CREB5: variants seen among roughly 807,000 people sequenced by gnomAD.
CREB5 encodes cyclic AMP-responsive element-binding protein 5.
A neutral mutation model predicts 57.1 loss-of-function variants in CREB5; 19 were observed. That is an observed-to-expected ratio of 0.33 (90% confidence interval 0.23 to 0.49). The LOEUF (loss-of-function observed/expected upper bound fraction) is 0.49, where lower values mean the gene tolerates loss of function less well. Ranked by LOEUF, CREB5 falls within the 20% of genes least tolerant of loss-of-function variation. The probability of loss-of-function intolerance (pLI) is 0.99; values close to 1 mark genes in which losing one functional copy is unlikely to be tolerated. For synonymous variants in CREB5, 238 were observed against 238.3 expected (o/e 1.00, Z 0.01); for missense variants, 579 against 671.6 (o/e 0.86, Z 1.52).
chr7:28,529,682 G>A (rs187685483), intron 4 of CREB5, among the ~76,000 whole-genome samples: 214 of 152,286 alleles, frequency 1.4e-3, no homozygotes, highest in Non-Finnish European at 1.7e-3. Flanking sequence ...GAGAGGGAGA[G>A]CAAGTCAGAA....
intron 9 of CREB5, among the ~76,000 whole-genome samples, chr7:28,809,821 A>T (rs1299022351): frequency 1.3e-5 from 2 of 152,216 alleles, no homozygotes; most frequent in Non-Finnish European, 2.9e-5. Flanking sequence ...AATGTCTCCA[A>T]AGCAGTTGCC....
intron 7 of CREB5, among the ~76,000 whole-genome samples, chr7:28,747,248 TAC>T (rs569493241): frequency 1.3e-5 from 2 of 152,334 alleles, no homozygotes; most frequent in South Asian, 2.1e-4. Flanking sequence ...TGTGTGCAAA[TAC>T]ACACACAGCA....
chr7:28,479,237 A>G (rs1239227632), intron 1 of CREB5, among the ~76,000 whole-genome samples: 1 of 151,906 alleles, frequency 6.6e-6, no homozygotes, highest in East Asian at 1.9e-4. Context: ...ATTGGCTATC[A>G]GATCAGGAGA....
intron 5 of CREB5, among the ~76,000 whole-genome samples, chr7:28,597,905 T>G (rs1330312950): frequency 6.6e-6 from 1 of 152,168 alleles, no homozygotes; most frequent in African/African-American, 2.4e-5. Context: ...ACATTTGAAT[T>G]CTGAGAAGGT....
rs184992654 is a variant in CREB5 at position 28,377,389 on chromosome 7, A to G, written c.-25+77948A>G. Among the ~76,000 whole-genome samples the G allele has an allele frequency of 8.2e-3, 1,254 of 152,192 alleles. 8 individuals are homozygous for G. The highest frequency in any genetic ancestry group is 0.012 in the Non-Finnish European group (844 of 67,998). ...TTTGATATATTGGGTTAAATATAAT[A>G]TATTATTAAAATTAATTTCATCTGT... On this transcript the variant is annotated intron_variant, in intron 1 of 9. Transcript: ENST00000396299.
chr7:28,436,621 C>T (rs1057247630), intron 1 of CREB5, among the ~76,000 whole-genome samples: 1 of 152,088 alleles, frequency 6.6e-6, no homozygotes, highest in Non-Finnish European at 1.5e-5. Context: ...AAATTATTTA[C>T]CTGTAATTAG....
chr7:28,346,294 C>A (rs1786056873), intron 1 of CREB5, among the ~76,000 whole-genome samples: 1 of 152,194 alleles, frequency 6.6e-6, no homozygotes, highest in Non-Finnish European at 1.5e-5. Flanking sequence ...ATCAAGGCAT[C>A]CACAGATTCA....
intron 9 of CREB5, among the ~76,000 whole-genome samples, chr7:28,810,250 T>C (rs1809030998): frequency 6.7e-6 from 1 of 149,106 alleles, no homozygotes; most frequent in Non-Finnish European, 1.5e-5. Context: ...GGCAAGTAAA[T>C]AGACATGTAT....
chr7:28,351,396 C>T (rs186760974), intron 1 of CREB5, among the ~76,000 whole-genome samples: 7 of 152,246 alleles, frequency 4.6e-5, no homozygotes, highest in Admixed American at 6.5e-5. Flanking sequence ...TGCTAGACTA[C>T]GTGAAGGAGG....
intron 5 of CREB5, among the ~76,000 whole-genome samples, chr7:28,631,519 C>T (rs1798200367): frequency 1.3e-5 from 2 of 152,144 alleles, no homozygotes; most frequent in African/African-American, 2.4e-5. Context: ...TTTGAGTACA[C>T]ACTGCAGATG....
intron 1 of CREB5, among the ~76,000 whole-genome samples, chr7:28,413,212 T>C (rs1352308076): frequency 6.6e-6 from 1 of 151,978 alleles, no homozygotes; most frequent in African/African-American, 2.4e-5. Context: ...AAGTAATGTG[T>C]CAAGCATGAA....
At chr7:28,612,157 A>C (rs985801951) in intron 5 of CREB5, among the ~76,000 whole-genome samples, 2 of 152,184 alleles carry the variant, frequency 1.3e-5, no homozygotes, top group Non-Finnish European at 1.5e-5. Context: ...TATGGTTAAC[A>C]CAGGTAGGGA....
At chr7:28,621,631 G>A (rs1304382611) in intron 5 of CREB5, among the ~76,000 whole-genome samples, 2 of 152,012 alleles carry the variant, frequency 1.3e-5, no homozygotes, top group Non-Finnish European at 2.9e-5. Context: ...ATTCAACCCC[G>A]TTCATTTAAA....
At chr7:28,439,276 T>C (rs1233710397) in intron 1 of CREB5, among the ~76,000 whole-genome samples, 1 of 152,194 alleles carries the variant, frequency 6.6e-6, no homozygotes, top group African/African-American at 2.4e-5. Context: ...CTTGGCTTGA[T>C]GTACAAGGTT....
At chr7:28,303,290 G>A (rs1430487459) in intron 1 of CREB5, among the ~76,000 whole-genome samples, 1 of 152,170 alleles carries the variant, frequency 6.6e-6, no homozygotes, top group Admixed American at 6.5e-5. Context: ...CATAATTTTT[G>A]AGGCCAGTTG....
At chr7:28,432,593 T>C (rs1181644517) in intron 1 of CREB5, among the ~76,000 whole-genome samples, 1 of 152,186 alleles carries the variant, frequency 6.6e-6, no homozygotes, top group Non-Finnish European at 1.5e-5. Context: ...GGAAAAGTTC[T>C]TAAGTCTTAA....
At chr7:28,600,162 G>A (rs1796858471) in intron 5 of CREB5, among the ~76,000 whole-genome samples, 1 of 151,960 alleles carries the variant, frequency 6.6e-6, no homozygotes, top group African/African-American at 2.4e-5. Flanking sequence ...TTTCTCCATG[G>A]TCCTCACAGC....
chr7:28,534,842 G>T (rs1477213850), intron 4 of CREB5, among the ~76,000 whole-genome samples: 1 of 141,346 alleles, frequency 7.1e-6, no homozygotes, highest in Non-Finnish European at 1.6e-5. Context: ...AGGCCCAGAG[G>T]GATAAAGTGA....
intron 4 of CREB5, among the ~76,000 whole-genome samples, chr7:28,525,777 A>G (rs1032669128): frequency 2.6e-5 from 4 of 152,060 alleles, no homozygotes; most frequent in Non-Finnish European, 4.4e-5. Flanking sequence ...CTGTGTGTGT[A>G]TGATGGGGAG....
Sources: allele counts gnomAD v4.1 joint callset (sites outside exome capture counted in the v4.1 genomes callset), GRCh38; gene constraint gnomAD v4.1.1; transcripts MANE v1.5; gene names NCBI Gene and HGNC (gene_info 2026-07-23, HGNC 2026-07-21).